The following MAGI1 variants were observed in gnomAD, a reference collection of about 807,000 sequenced individuals.
MAGI1 encodes the protein membrane-associated guanylate kinase, WW and PDZ domain-containing protein 1.
A neutral mutation model predicts 139.9 loss-of-function variants in MAGI1; 58 were observed. The ratio of observed to expected loss-of-function variants is 0.41; its 90% confidence interval spans 0.34 to 0.52. The LOEUF is 0.52. MAGI1 is among the 20% of genes least tolerant of loss of function. The pLI, the probability that MAGI1 is intolerant of heterozygous loss-of-function variation, is 0.12. For synonymous variants in MAGI1, 812 were observed against 737.9 expected, an observed-to-expected ratio of 1.10 and a Z score of -1.63; for missense variants, 1,874 against 1,901.6, an observed-to-expected ratio of 0.99 and a Z score of 0.27.
chr3:66,029,202 T>C (rs2068464634), intron 1 of MAGI1, among the ~76,000 whole-genome samples: 1 of 152,158 alleles, frequency 6.6e-6, no homozygotes, highest in Non-Finnish European at 1.5e-5. Flanking sequence ...CATCAGTAAA[T>C]TGCTATTTGT....
chr3:65,897,549 T>C (rs774836092), intron 1 of MAGI1, among the ~76,000 whole-genome samples: 2 of 152,014 alleles, frequency 1.3e-5, no homozygotes, highest in Non-Finnish European at 2.9e-5. Context: ...CAAACCAACA[T>C]GGCACATGTA....
chr3:65,712,317 G>A (rs1467698308), intron 1 of MAGI1, among the ~76,000 whole-genome samples: 2 of 152,044 alleles, frequency 1.3e-5, no homozygotes, highest in Non-Finnish European at 2.9e-5. Flanking sequence ...GAGGCCATGT[G>A]TAGGTTCTGG....
chr3:65,531,560 A>T (rs2107850848), intron 2 of MAGI1, among the ~76,000 whole-genome samples: 1 of 152,316 alleles, frequency 6.6e-6, no homozygotes, highest in Admixed American at 6.5e-5. Context: ...CTCAAACTGA[A>T]CTACTATAGG....
At chr3:65,833,669 AT>A (rs2042651525) in intron 1 of MAGI1, among the ~76,000 whole-genome samples, 1 of 152,154 alleles carries the variant, frequency 6.6e-6, no homozygotes, top group South Asian at 2.1e-4. Context: ...GCTTTATGAG[AT>A]TTTTGTTGTG....
intron 1 of MAGI1, among the ~76,000 whole-genome samples, chr3:65,716,724 C>G (rs1266286505): frequency 6.6e-6 from 1 of 152,186 alleles, no homozygotes; most frequent in Non-Finnish European, 1.5e-5. Context: ...AAAGAATAAA[C>G]TCTGCATTCA....
chr3:65,395,939 C>G (rs376937184), intron 13 of MAGI1, among the ~76,000 whole-genome samples: 1 of 151,938 alleles, frequency 6.6e-6, no homozygotes, highest in East Asian at 1.9e-4. Flanking sequence ...AGTCAGGAAG[C>G]CCCAGGTGCA....
rs1371511158 is a variant in MAGI1 at position 65,797,097 on chromosome 3, C to A, written c.314-175009G>T. On this transcript the variant is annotated intron_variant, in intron 1 of 22. Coordinates refer to ENST00000402939, the MANE Select transcript of MAGI1 (RefSeq NM_001033057.2). ...TTCTGATTATCTATTAAACATGAAG[C>A]TCAAGTGGTTATTTGCTAGTCACTT... 2.0e-5 allele frequency among the ~76,000 whole-genome samples: 3 copies of A among 152,108 alleles called. No homozygotes were observed. The East Asian group carries it at 5.8e-4, about 29-fold the overall frequency.
chr3:65,415,494 G>C (rs548663044), intron 12 of MAGI1, among the ~76,000 whole-genome samples: 83 of 152,306 alleles, frequency 5.4e-4, no homozygotes, highest in Middle Eastern at 6.8e-3. Context: ...CCCAGGGCTG[G>C]CTCAGGCTGC....
intron 1 of MAGI1, among the ~76,000 whole-genome samples, chr3:65,836,445 G>A (rs1352000797): frequency 6.6e-6 from 1 of 152,068 alleles, no homozygotes; most frequent in African/African-American, 2.4e-5. Flanking sequence ...CGTGAATAAA[G>A]GACAAAAATA....
At chr3:65,649,044 C>T (rs1360960110) in intron 1 of MAGI1, among the ~76,000 whole-genome samples, 4 of 152,082 alleles carry the variant, frequency 2.6e-5, no homozygotes, top group African/African-American at 9.7e-5. Context: ...ATATCTTACA[C>T]AAAAATTAAC....
intron 2 of MAGI1, chr3:65,597,961 G>C (rs2082305072): frequency 6.6e-6 from 3 of 453,514 alleles, no homozygotes; most frequent in Non-Finnish European, 1.3e-5. Context: ...TCCTGGGAGA[G>C]CTGGGGGCGC....
At chr3:65,780,602 C>G (rs2108003837) in intron 1 of MAGI1, among the ~76,000 whole-genome samples, 1 of 152,252 alleles carries the variant, frequency 6.6e-6, no homozygotes, top group African/African-American at 2.4e-5. Flanking sequence ...TTAAAGTTTC[C>G]TCTTTGAGTG....
At chr3:65,484,907 G>A (rs1371715682) in intron 3 of MAGI1, among the ~76,000 whole-genome samples, 2 of 152,112 alleles carry the variant, frequency 1.3e-5, no homozygotes, top group African/African-American at 4.8e-5. Flanking sequence ...TAATTAATCA[G>A]TACCTGTCTT....
intron 1 of MAGI1, among the ~76,000 whole-genome samples, chr3:65,752,579 T>C (rs921550608): frequency 6.6e-6 from 1 of 152,186 alleles, no homozygotes; most frequent in African/African-American, 2.4e-5. Context: ...AGCAAGCTAC[T>C]AAGGTTATGG....
At chr3:65,610,034 C>T (rs1332990731) in intron 2 of MAGI1, 2 of 18,278 alleles carry the variant, frequency 1.1e-4, no homozygotes, top group Non-Finnish European at 3.6e-4. Context: ...AATACAAATT[C>T]AGAACAAAAC....
At chr3:65,669,404 C>T (rs1410512730) in intron 1 of MAGI1, among the ~76,000 whole-genome samples, 1 of 152,114 alleles carries the variant, frequency 6.6e-6, no homozygotes, top group Non-Finnish European at 1.5e-5. Context: ...GTCAAGTTTT[C>T]CCTGGCATTT....
chr3:65,726,956 CAA>C (rs539578446), intron 1 of MAGI1, among the ~76,000 whole-genome samples: 1,589 of 102,126 alleles, frequency 0.016, 32 homozygotes, highest in African/African-American at 0.05. Flanking sequence ...CTCCAAAATC[CAA>C]AAAAAAAAAA....
intron 1 of MAGI1, among the ~76,000 whole-genome samples, chr3:65,733,688 T>A (rs1197771680): frequency 1.3e-5 from 2 of 152,236 alleles, no homozygotes; most frequent in Admixed American, 1.3e-4. Context: ...CTTCCTTGGA[T>A]GTTTGATCTT....
intron 2 of MAGI1, among the ~76,000 whole-genome samples, chr3:65,515,690 C>G (rs1161873169): frequency 6.6e-6 from 1 of 152,196 alleles, no homozygotes; most frequent in African/African-American, 2.4e-5. Flanking sequence ...GTCTATGGCA[C>G]CAACCCATGG....
Sources: allele counts gnomAD v4.1 joint callset (sites outside exome capture counted in the v4.1 genomes callset), GRCh38; gene constraint gnomAD v4.1.1; transcripts MANE v1.5; gene names NCBI Gene and HGNC (gene_info 2026-07-23, HGNC 2026-07-21).